Variants in PALM2AKAP2 observed in about 807,000 individuals in gnomAD.
The protein encoded by PALM2AKAP2 is PALM2-AKAP2 fusion protein.
PALM2AKAP2 carries 37 observed loss-of-function variants against 71.5 expected under a neutral mutation model. The observed-to-expected ratio is 0.52, with a 90% CI of 0.40 to 0.68. The LOEUF is 0.68. Ranked by LOEUF, PALM2AKAP2 falls within the 30% of genes least tolerant of loss-of-function variation. The pLI is 0.00. For synonymous variants in PALM2AKAP2, 468 were observed against 478.8 expected (o/e 0.98, Z 0.29); for missense variants, 1,224 against 1,191.8 (o/e 1.03, Z -0.40).
At chr9:110,145,147 A>G (rs1468549286) in intron 2 of PALM2AKAP2, among the ~76,000 whole-genome samples, 5 of 151,948 alleles carry the variant, frequency 3.3e-5, no homozygotes, top group African/African-American at 7.3e-5. Flanking sequence ...TGGCTCTGCA[A>G]TCCTTCTTTT....
intron 6 of PALM2AKAP2, among the ~76,000 whole-genome samples, chr9:109,985,932 G>A (rs2132217748): frequency 6.6e-6 from 1 of 152,094 alleles, no homozygotes; most frequent in East Asian, 1.9e-4. Flanking sequence ...TTACAAACAT[G>A]AGCCACTGCA....
chr9:109,948,866 G>A (rs1020137927), intron 6 of PALM2AKAP2, among the ~76,000 whole-genome samples: 1 of 152,188 alleles, frequency 6.6e-6, no homozygotes, highest in Non-Finnish European at 1.5e-5. Flanking sequence ...GCCTTGTGAT[G>A]TTAACAAAAT....
intron 1 of PALM2AKAP2, among the ~76,000 whole-genome samples, chr9:109,862,290 A>G (rs1829330070): frequency 6.6e-6 from 1 of 152,148 alleles, no homozygotes; most frequent in South Asian, 2.1e-4. Flanking sequence ...TAGTGTATAT[A>G]ATTTAGGAAG....
intron 1 of PALM2AKAP2, among the ~76,000 whole-genome samples, chr9:109,740,086 G>A (rs1006968354): frequency 2.0e-5 from 3 of 152,306 alleles, no homozygotes; most frequent in South Asian, 2.1e-4. Flanking sequence ...AAGTCCAATA[G>A]AAAATCAGTA....
chr9:109,789,275 G>A (rs1195693316), intron 1 of PALM2AKAP2, among the ~76,000 whole-genome samples: 1 of 152,212 alleles, frequency 6.6e-6, no homozygotes, highest in East Asian at 1.9e-4. Flanking sequence ...ACATCAAATA[G>A]CAGATCAGCC....
chr9:109,929,087 G>C (rs1831026913), intron 5 of PALM2AKAP2, among the ~76,000 whole-genome samples: 1 of 152,018 alleles, frequency 6.6e-6, no homozygotes, highest in Non-Finnish European at 1.5e-5. Context: ...ATCTGGCAGG[G>C]AGCTATCTCC....
At chr9:109,938,309 G>T (rs758687037) in intron 6 of PALM2AKAP2, among the ~76,000 whole-genome samples, 4 of 152,164 alleles carry the variant, frequency 2.6e-5, no homozygotes, top group Non-Finnish European at 5.9e-5. Context: ...CCATGAAAAC[G>T]AAATATTGCC....
chr9:109,645,070 C>T (rs942982992), intron 1 of PALM2AKAP2, among the ~76,000 whole-genome samples: 2 of 152,158 alleles, frequency 1.3e-5, no homozygotes, highest in Non-Finnish European at 2.9e-5. Context: ...CTACTGGTAC[C>T]AATGTACTGT....
intron 1 of PALM2AKAP2, among the ~76,000 whole-genome samples, chr9:109,861,203 C>G (rs1829296544): frequency 1.3e-5 from 2 of 152,232 alleles, no homozygotes; most frequent in South Asian, 4.1e-4. Context: ...CTGTTTCTCA[C>G]ACACTCAGTT....
Position 109,647,114 on chromosome 9 carries a change from CTT to C in PALM2AKAP2, c.5+6249_5+6250del, listed in dbSNP as rs1491094839. On this transcript the variant is annotated intron_variant, in intron 1 of 6. Coordinates refer to the PALM2AKAP2 transcript ENST00000374531. The stretch of plus-strand genomic sequence containing the variant: ...TGCAAACATCATAGAGTTGGAAACA[CTT>C]ATATATATATATAGGTTTAAATATT... Among the ~76,000 whole-genome samples, 151 of 147,854 alleles carry C rather than the reference CTT, an allele frequency of 1.0e-3. 2 individuals are homozygous for C. The highest frequency in any genetic ancestry group is 3.6e-3 in the African/African-American group (147 of 40,510).
At chr9:110,059,180 G>A (rs933734118) in intron 1 of PALM2AKAP2, among the ~76,000 whole-genome samples, 1 of 152,152 alleles carries the variant, frequency 6.6e-6, no homozygotes, top group African/African-American at 2.4e-5. Context: ...GATTACAGGT[G>A]TGAGCCACCG....
At chr9:109,978,990 CT>C (rs374404971) in intron 6 of PALM2AKAP2, among the ~76,000 whole-genome samples, 110 of 145,658 alleles carry the variant, frequency 7.6e-4, no homozygotes, top group Admixed American at 8.9e-4. Flanking sequence ...TCCAGGCCTT[CT>C]TTTTTTTTTT....
chr9:109,768,946 C>A (rs886094298), intron 1 of PALM2AKAP2, among the ~76,000 whole-genome samples: 5 of 152,032 alleles, frequency 3.3e-5, no homozygotes, highest in African/African-American at 1.2e-4. Context: ...ATAGTGAGAC[C>A]CTATCTCTAT....
At position 109,963,662 on chromosome 9, in the gene PALM2AKAP2, T is replaced by A. The variant is rs191274742; in HGVS notation, c.496+31634T>A. Among the ~76,000 whole-genome samples, 214 of 152,320 alleles carry A rather than the reference T, an allele frequency of 1.4e-3. 1 individual carries two copies. The highest frequency in any genetic ancestry group is 4.8e-3 in the African/African-American group (200 of 41,580). ...TCTTTTCTAAGGGGTGAGGAGTCTT[T>A]GGGCCAAGGTGACTTGCCTGCTCCC... On this transcript the variant is annotated intron_variant, in intron 6 of 9. Coordinates refer to the PALM2AKAP2 transcript ENST00000302798.
intron 1 of PALM2AKAP2, among the ~76,000 whole-genome samples, chr9:109,767,972 G>T (rs371264983): frequency 1.3e-5 from 2 of 151,970 alleles, no homozygotes; most frequent in African/African-American, 4.8e-5. Flanking sequence ...GAAGGAAGGA[G>T]AAAGGAAGGA....
At chr9:109,910,597 A>C (rs12115781) in intron 3 of PALM2AKAP2, among the ~76,000 whole-genome samples, 25,001 of 152,168 alleles carry the variant, frequency 0.16, 2,827 homozygotes, top group East Asian at 0.43. Flanking sequence ...TTTAAAAACG[A>C]AGAAGTCAAA....
At chr9:110,144,835 G>A (rs1418582730) in intron 2 of PALM2AKAP2, among the ~76,000 whole-genome samples, 1 of 152,082 alleles carries the variant, frequency 6.6e-6, no homozygotes, top group East Asian at 1.9e-4. Flanking sequence ...AAGAGTTGTG[G>A]ACCTGTAATA....
chr9:109,797,303 A>G (rs541581360), intron 1 of PALM2AKAP2, among the ~76,000 whole-genome samples: 1 of 152,324 alleles, frequency 6.6e-6, no homozygotes, highest in South Asian at 2.1e-4. Context: ...AGGTTGGCAC[A>G]TCACAGATAC....
intron 1 of PALM2AKAP2, among the ~76,000 whole-genome samples, chr9:110,064,134 T>G (rs931855318): frequency 6.6e-6 from 1 of 152,170 alleles, no homozygotes; most frequent in African/African-American, 2.4e-5. Flanking sequence ...CTTAGATGTT[T>G]ACAAAACTCT....
Sources: allele counts gnomAD v4.1 joint callset (sites outside exome capture counted in the v4.1 genomes callset), GRCh38; gene constraint gnomAD v4.1.1; transcripts MANE v1.5; gene names NCBI Gene and HGNC (gene_info 2026-07-23, HGNC 2026-07-21).